CPEB1: variants seen among roughly 807,000 people sequenced by gnomAD.
The protein encoded by CPEB1 is cytoplasmic polyadenylation element binding protein 1, also known as cytoplasmic polyadenylation element-binding protein 1.
A neutral mutation model predicts 65.8 loss-of-function variants in CPEB1; 7 were observed. That is an observed-to-expected ratio of 0.11 (90% CI 0.06 to 0.20). The LOEUF is 0.20. Among genes scored for constraint, CPEB1 ranks in the 10% least tolerant of loss-of-function variants. The pLI, the probability that CPEB1 is intolerant of heterozygous loss-of-function variation, is 1.00. For missense variants in CPEB1, 551 were observed against 712.2 expected, an observed-to-expected ratio of 0.77 and a Z score of 2.58; for synonymous variants, 262 against 260.0, an observed-to-expected ratio of 1.01 and a Z score of -0.08.
At chr15:82,600,625 C>T (rs1042878191) in intron 3 of CPEB1, among the ~76,000 whole-genome samples, 4 of 152,158 alleles carry the variant, frequency 2.6e-5, no homozygotes, top group South Asian at 2.1e-4. Context: ...TTTTCTAGGA[C>T]GTGATGAAAG....
In CPEB1 at chr15:82,603,965, GA is replaced by G. The variant is rs375350705; in HGVS notation, c.271+23227del. Among the ~76,000 whole-genome samples, 5 of 152,246 alleles carry G rather than the reference GA, an allele frequency of 3.3e-5. No homozygotes were observed. In the East Asian group the frequency reaches 5.8e-4, roughly 18 times the overall value. On this transcript the variant is annotated intron_variant, in intron 3 of 12. Transcript: ENST00000684509. ...AAACAAGTATGGCCCATTCATGGGG[GA>G]AAAAATCACTAAAAATGGTCCCTGA...
chr15:82,564,098 C>CA (rs1434578831), intron 4 of CPEB1, among the ~76,000 whole-genome samples: 1 of 152,084 alleles, frequency 6.6e-6, no homozygotes, highest in Non-Finnish European at 1.5e-5. Flanking sequence ...CCAAGCATAC[C>CA]AAGACCAATC....
At chr15:82,596,918 A>G (rs1447632000) in intron 3 of CPEB1, among the ~76,000 whole-genome samples, 3 of 152,224 alleles carry the variant, frequency 2.0e-5, no homozygotes, top group Admixed American at 2.0e-4. Flanking sequence ...TACATGCTAT[A>G]GCTTCCCCTT....
At chr15:82,545,051 G>A (rs910153835) in intron 12 of CPEB1, among the ~76,000 whole-genome samples, 5 of 152,144 alleles carry the variant, frequency 3.3e-5, no homozygotes, top group Non-Finnish European at 5.9e-5. Context: ...GGCTGCTAAC[G>A]TGGAGAATGT....
chr15:82,562,154 CTT>C (rs66642827), intron 4 of CPEB1: 29,293 of 402,778 alleles, frequency 0.073, 4 homozygotes, highest in Non-Finnish European at 0.086. Flanking sequence ...TCACTAGCTA[CTT>C]TTTTTTTTTT....
chr15:82,597,444 T>C (rs2042752782), intron 3 of CPEB1, among the ~76,000 whole-genome samples: 1 of 152,220 alleles, frequency 6.6e-6, no homozygotes, highest in Non-Finnish European at 1.5e-5. Flanking sequence ...GGGAGATCTG[T>C]GCAGGGGGAA....
At chr15:82,619,074 T>G (rs2045046116) in intron 3 of CPEB1, among the ~76,000 whole-genome samples, 1 of 152,156 alleles carries the variant, frequency 6.6e-6, no homozygotes, top group African/African-American at 2.4e-5. Context: ...ATTATAAAGC[T>G]ACAATAATTA....
chr15:82,563,361 T>G (rs2038570010), intron 4 of CPEB1, among the ~76,000 whole-genome samples: 1 of 145,158 alleles, frequency 6.9e-6, no homozygotes, highest in South Asian at 2.3e-4. Flanking sequence ...TCTATTCTTT[T>G]TTTTTTTTTT....
At chr15:82,586,358 CCT>C (rs778318761) in intron 3 of CPEB1, among the ~76,000 whole-genome samples, 46 of 151,830 alleles carry the variant, frequency 3.0e-4, no homozygotes, top group Non-Finnish European at 2.4e-4. Context: ...TACTTATTGT[CCT>C]CTAGAAAGAG....
intron 1 of CPEB1, among the ~76,000 whole-genome samples, chr15:82,635,787 T>C (rs1333109250): frequency 6.6e-6 from 1 of 152,068 alleles, no homozygotes; most frequent in East Asian, 1.9e-4. Context: ...TCTAAAATGG[T>C]TTCACAACTC....
chr15:82,558,028 C>G, intron 4 of CPEB1, 42 bp from the exon 5 acceptor site: 1 of 1,406,346 alleles, frequency 7.1e-7, no homozygotes, highest in Non-Finnish European at 9.7e-7. Context: ...TCTTAGTTTT[C>G]TTTGCAGCCA....
At chr15:82,632,211 T>C (rs1020752433) in intron 1 of CPEB1, among the ~76,000 whole-genome samples, 4 of 152,080 alleles carry the variant, frequency 2.6e-5, no homozygotes, top group Non-Finnish European at 5.9e-5. Context: ...CTTGATCTCC[T>C]GACCTCATGA....
rs767240699 is a variant in CPEB1 at position 82,556,040 on chromosome 15, C to T, written c.770G>A (p.Gly257Glu). ...GPRDPLKMGV[G>E]SRMDQEQAAL... ...AGCTTGCTCTTGGTCCATCCGAGAC[C>T]CTACCCCCATCTTTAAAGGGTCTCT... Residue 257 changes from glycine to glutamate, a missense_variant, in exon 6 of 13, where the codon GGG becomes GAG. This residue lies in a region of CPEB1 where 128 missense variants were observed against 129.1 expected (regional missense o/e 0.99). Coordinates refer to ENST00000684509, the MANE Select transcript of CPEB1 (RefSeq NM_001365242.1). 50 of 1,612,866 alleles carry T rather than the reference C, an allele frequency of 3.1e-5. No homozygotes were observed. The highest frequency in any genetic ancestry group is 3.5e-5 in the Non-Finnish European group (41 of 1,179,584).
At chr15:82,643,110 C>T (rs2047234188) in intron 1 of CPEB1, among the ~76,000 whole-genome samples, 1 of 152,278 alleles carries the variant, frequency 6.6e-6, no homozygotes, top group Non-Finnish European at 1.5e-5. Flanking sequence ...CCCTCCCCAG[C>T]ACACTCCACA....
At chr15:82,623,689 T>C (rs2045512175) in intron 3 of CPEB1, among the ~76,000 whole-genome samples, 1 of 152,014 alleles carries the variant, frequency 6.6e-6, no homozygotes, top group Non-Finnish European at 1.5e-5. Context: ...AAAAAAAAAT[T>C]ACCCATAATT....
chr15:82,573,333 G>C, intron 3 of CPEB1: 2 of 647,892 alleles, frequency 3.1e-6, no homozygotes, highest in Non-Finnish European at 5.0e-6. Flanking sequence ...GTTTGTCAAA[G>C]CCTTGTTCAT....
intron 1 of CPEB1, among the ~76,000 whole-genome samples, chr15:82,636,338 G>A (rs1326705339): frequency 6.6e-6 from 1 of 152,106 alleles, no homozygotes; most frequent in East Asian, 1.9e-4. Flanking sequence ...AAATCCAACT[G>A]ATACTTCAAG....
chr15:82,578,894 G>C (rs1596056574), intron 3 of CPEB1, among the ~76,000 whole-genome samples: 1 of 152,096 alleles, frequency 6.6e-6, no homozygotes, highest in Non-Finnish European at 1.5e-5. Context: ...CAAAATCTTG[G>C]CTTACTACAA....
intron 2 of CPEB1, among the ~76,000 whole-genome samples, chr15:82,627,807 T>C (rs891521940): frequency 1.3e-5 from 2 of 152,206 alleles, no homozygotes; most frequent in Non-Finnish European, 2.9e-5. Flanking sequence ...ATTGGTTCAA[T>C]TGATATTTTG....
Sources: allele counts gnomAD v4.1 joint callset (sites outside exome capture counted in the v4.1 genomes callset), GRCh38; gene constraint gnomAD v4.1.1; regional missense constraint gnomAD v4.1.1; transcripts MANE v1.5; gene names NCBI Gene and HGNC (gene_info 2026-07-23, HGNC 2026-07-21).